The following IL1RAP variants were observed in gnomAD, a reference collection of about 807,000 sequenced individuals.
The protein encoded by IL1RAP is interleukin-1 receptor accessory protein.
A neutral mutation model predicts 60.7 loss-of-function variants in IL1RAP; 35 were observed. The ratio of observed to expected loss-of-function variants is 0.58; its 90% CI spans 0.44 to 0.76. IL1RAP has a LOEUF of 0.76. IL1RAP is among the 30% of genes least tolerant of loss of function. The pLI is 0.00. For missense variants in IL1RAP, 572 were observed against 693.9 expected (o/e 0.82, Z 1.97); for synonymous variants, 268 against 250.9 (o/e 1.07, Z -0.64).
chr3:190,628,168 C>G (rs1405440822), intron 8 of IL1RAP, among the ~76,000 whole-genome samples: 1 of 152,082 alleles, frequency 6.6e-6, no homozygotes, highest in Non-Finnish European at 1.5e-5. Context: ...TCCTTGAAGA[C>G]AGAAGGTTCC....
At chr3:190,572,500 A>G (rs1209094954) in intron 3 of IL1RAP, among the ~76,000 whole-genome samples, 5 of 152,138 alleles carry the variant, frequency 3.3e-5, no homozygotes, top group South Asian at 2.1e-4. Context: ...AGAGAGAGAG[A>G]GGCATAAAAT....
intron 7 of IL1RAP, 149 bp from the exon 8 acceptor site, chr3:190,627,174 C>T (rs1732361637): frequency 3.1e-6 from 2 of 640,390 alleles, no homozygotes; most frequent in Admixed American, 3.0e-5. Flanking sequence ...ACACATAACT[C>T]GTAGCTTCTG....
At chr3:190,656,479 C>G, downstream of IL1RAP, 2 of 1,537,204 alleles carry the variant, frequency 1.3e-6, no homozygotes, top group South Asian at 2.4e-5. Flanking sequence ...TAAGCCTGTT[C>G]CCCAAGAGTC....
intron 11 of IL1RAP, among the ~76,000 whole-genome samples, chr3:190,647,693 C>T (rs768825718): frequency 5.9e-5 from 9 of 152,118 alleles, no homozygotes; most frequent in African/African-American, 1.4e-4. Flanking sequence ...GAAAGCCCAC[C>T]GAGGATGTGT....
intron 2 of IL1RAP, among the ~76,000 whole-genome samples, chr3:190,556,827 A>G (rs1024473602): frequency 6.6e-6 from 1 of 152,196 alleles, no homozygotes; most frequent in African/African-American, 2.4e-5. Flanking sequence ...TTTCACATCT[A>G]TTATCTCACT....
rs546352955 is a variant in IL1RAP, at chr3:190,529,663, G to A, written c.-89+15444G>A. Among the ~76,000 whole-genome samples the A allele has an allele frequency of 5.3e-5, 7 of 132,574 alleles. No individual in the cohort carries two copies. In the South Asian group the frequency reaches 1.7e-3, roughly 32 times the overall value. The allele number at this position is 132,574 out of a possible 152,430, so 87.0% of individuals were successfully genotyped here. Reference sequence around the variant, plus strand: ...TCGCGCCACTGCACTCCAGCCTGGCGACAGAGCTAGACTGTCTCAAAAGAA... The same window carrying A: ...TCGCGCCACTGCACTCCAGCCTGGCAACAGAGCTAGACTGTCTCAAAAGAA... On this transcript the variant is annotated intron_variant, in intron 1 of 11. Transcript: ENST00000447382.
intron 1 of IL1RAP, chr3:190,520,595 G>A (rs1721932931): frequency 6.6e-6 from 1 of 152,176 alleles, no homozygotes; most frequent in South Asian, 2.1e-4. Context: ...CAGAGAGAAA[G>A]TAGGAAGTTT....
chr3:190,583,419 G>A (rs970546898), intron 3 of IL1RAP, among the ~76,000 whole-genome samples: 4 of 152,178 alleles, frequency 2.6e-5, no homozygotes, highest in Non-Finnish European at 4.4e-5. Flanking sequence ...AAGCATAGAC[G>A]TTTCTTTCTA....
intron 11 of IL1RAP, among the ~76,000 whole-genome samples, chr3:190,647,421 C>T (rs948579801): frequency 2.0e-5 from 3 of 152,182 alleles, no homozygotes; most frequent in African/African-American, 4.8e-5. Flanking sequence ...ATGCAATCCT[C>T]GATAAGCAAC....
At chr3:190,593,870 T>C (rs922978476) in intron 3 of IL1RAP, among the ~76,000 whole-genome samples, 3 of 152,184 alleles carry the variant, frequency 2.0e-5, no homozygotes, top group Non-Finnish European at 4.4e-5. Context: ...TGTTTGCAGA[T>C]ATTTTTGGAA....
chr3:190,589,542 C>T lies in IL1RAP; in HGVS notation c.65-14586C>T, dbSNP rs569120285. 2.0e-5 allele frequency among the ~76,000 whole-genome samples: 3 copies of T among 152,300 alleles called. No individual in the cohort carries two copies. In the South Asian group the frequency reaches 6.2e-4, roughly 32 times the overall value. On this transcript the variant is annotated intron_variant, in intron 3 of 11. Coordinates refer to ENST00000447382, the MANE Select transcript of IL1RAP (RefSeq NM_002182.4). ...GCAGGATTGTCGCCTGTGTCTCTTC[C>T]TCTGGCAGGTGATGAAGATCATAAA... is the stretch of plus-strand genomic sequence containing the variant.
rs140622434 is a variant in IL1RAP, at chr3:190,648,557, C to T, written c.1565C>T (p.Thr522Met). The change falls in exon 12 of 12, where the codon ACG (threonine) becomes ATG (methionine). Residue 522 changes from threonine (T) to methionine (M), a missense_variant. Thr to Met is a moderately conservative substitution (Grantham distance 81, BLOSUM62 -1). Coordinates refer to ENST00000447382, the MANE Select transcript of IL1RAP (RefSeq NM_002182.4). ...CTGAAGAGGGCTAAGACGGTGCTCA[C>T]GGTCATTAAATGGAAAGGGGAAAAA... ...KELKRAKTVL[T>M]VIKWKGEKSK... 10 of 1,613,908 alleles carry T rather than the reference C, an allele frequency of 6.2e-6. 1 individual carries two copies. Among genetic ancestry groups the T allele is most frequent in the African/African-American group, 4.0e-5 (3 of 74,850 alleles).
intron 7 of IL1RAP, among the ~76,000 whole-genome samples, chr3:190,626,896 C>G (rs558254582): frequency 2.0e-5 from 3 of 152,030 alleles, no homozygotes; most frequent in Admixed American, 1.3e-4. Flanking sequence ...TCTTGAACTC[C>G]TCACCTCAAG....
chr3:190,645,733 A>G lies in IL1RAP; in HGVS notation c.1236A>G (p.Ala412=). 1 of 1,612,554 alleles carries G rather than the reference A, an allele frequency of 6.2e-7. No homozygotes were observed. Among genetic ancestry groups the G allele is most frequent in the East Asian group, 2.2e-5 (1 of 44,858 alleles). ...AGTATGATATTTATGTATCCTATGCAAGGAATGCGGAAGAAGAAGAATTTG... is the reference window on the plus strand; with the variant it reads ...AGTATGATATTTATGTATCCTATGCGAGGAATGCGGAAGAAGAAGAATTTG... ...GKEYDIYVSY[A]RNAEEEEFVL... The change falls in exon 11 of 12, where the codon GCA becomes GCG. Residue 412 remains alanine, a synonymous_variant. Transcript: ENST00000447382.
At chr3:190,611,792 A>G in intron 5 of IL1RAP, among the ~76,000 whole-genome samples, 1 of 152,180 alleles carries the variant, frequency 6.6e-6, no homozygotes, top group East Asian at 1.9e-4. Flanking sequence ...TTATTTTACA[A>G]TAAAATGACT....
At chr3:190,520,191 G>T (rs1050002500) in intron 1 of IL1RAP, among the ~76,000 whole-genome samples, 3 of 152,154 alleles carry the variant, frequency 2.0e-5, no homozygotes, top group Non-Finnish European at 4.4e-5. Flanking sequence ...ATCTGCTGAG[G>T]ATATGGTTTA....
intron 2 of IL1RAP, chr3:190,563,582 G>A (rs1456073944): frequency 6.6e-6 from 1 of 152,194 alleles, no homozygotes; most frequent in African/African-American, 2.4e-5. Context: ...TTATTAATAG[G>A]AAGGCGAAAG....
chr3:190,586,519 C>T (rs775443444), intron 3 of IL1RAP, among the ~76,000 whole-genome samples: 10 of 152,174 alleles, frequency 6.6e-5, no homozygotes, highest in South Asian at 4.1e-4. Context: ...TGATTATGCC[C>T]TCCTATCTAG....
chr3:190,529,686 GA>G (rs58490702), intron 1 of IL1RAP, among the ~76,000 whole-genome samples: 2,985 of 101,920 alleles, frequency 0.029, 118 homozygotes, highest in African/African-American at 0.091. Context: ...TGTCTCAAAA[GA>G]AAAAAAAAAA....
Sources: gnomAD v4.1 joint callset for allele counts (sites outside exome capture counted in the v4.1 genomes callset) on GRCh38, gnomAD v4.1.1 for gene constraint, MANE v1.5 for transcripts, NCBI Gene and HGNC (gene_info 2026-07-23, HGNC 2026-07-21) for gene names.